Variants in KLF12 observed in about 807,000 individuals in gnomAD.
KLF12 encodes KLF transcription factor 12.
A neutral mutation model predicts 37.8 loss-of-function variants in KLF12; 9 were observed. The ratio of observed to expected loss-of-function variants is 0.24; its 90% CI spans 0.14 to 0.42. The LOEUF (loss-of-function observed/expected upper bound fraction) is 0.42. KLF12 is among the 10% of genes least tolerant of loss of function. The pLI, the probability that KLF12 is intolerant of heterozygous loss-of-function variation, is 1.00. For synonymous variants in KLF12, 208 were observed against 202.1 expected (o/e 1.03, Z -0.25); for missense variants, 411 against 516.0 (o/e 0.80, Z 1.97).
chr13:74,275,841 T>C, the KLF12 span, among the ~76,000 whole-genome samples: 2 of 122,760 alleles, frequency 1.6e-5, no homozygotes, highest in African/African-American at 6.7e-5. Context: ...TTTCTTTCTT[T>C]CTTTCTTTCT....
At chr13:73,721,917 G>A (rs1342931657) in intron 6 of KLF12, among the ~76,000 whole-genome samples, 1 of 152,072 alleles carries the variant, frequency 6.6e-6, no homozygotes, top group Non-Finnish European at 1.5e-5. Context: ...TAAAGGCTGA[G>A]TTTGGCAGTG....
At chr13:74,223,281 TTGTA>T in the KLF12 span, among the ~76,000 whole-genome samples, 1 of 152,234 alleles carries the variant, frequency 6.6e-6, no homozygotes, top group African/African-American at 2.4e-5. Context: ...GAGCGTGACT[TTGTA>T]TGTAGATGGT....
chr13:73,692,848 T>C lies in KLF12; in HGVS notation c.*2642A>G, dbSNP rs1399542175. The C allele has an allele frequency of 6.6e-6, 1 of 152,616 alleles. No homozygotes were observed. Among genetic ancestry groups the C allele is most frequent in the Non-Finnish European group, 1.5e-5 (1 of 68,034 alleles). 9.5% of individuals were successfully genotyped at this position (152,616 alleles called of 1,614,324 possible). On this transcript the variant is annotated 3_prime_UTR_variant, in exon 8 of 8. Transcript: ENST00000377669. ...AATGATGGAATGCTGACAGGTTTTA[T>C]CAGTTAACTTACCATCTCAGTCTGG...
chr13:73,718,252 A>G, intron 6 of KLF12, among the ~76,000 whole-genome samples: 1 of 152,260 alleles, frequency 6.6e-6, no homozygotes, highest in Admixed American at 6.5e-5. Flanking sequence ...CCCTGAAATC[A>G]GAATTCAGTC....
At chr13:74,033,584 T>C (rs1048613012) in intron 1 of KLF12, among the ~76,000 whole-genome samples, 5 of 152,264 alleles carry the variant, frequency 3.3e-5, no homozygotes, top group African/African-American at 1.2e-4. Flanking sequence ...GATTACTTAA[T>C]ATTTCATAGA....
chr13:74,136,553 G>A (rs1168315178), upstream of KLF12, among the ~76,000 whole-genome samples: 1 of 152,222 alleles, frequency 6.6e-6, no homozygotes, highest in Non-Finnish European at 1.5e-5. Flanking sequence ...TGTACTAACA[G>A]CTCTTTCTCG....
rs1344777038 is a variant in KLF12 at position 73,863,312 on chromosome 13, G to A, written c.124-16939C>T. Among the ~76,000 whole-genome samples, 37 of 152,202 alleles carry A rather than the reference G, an allele frequency of 2.4e-4. 1 individual carries two copies. The highest frequency in any genetic ancestry group is 1.0e-4 in the Non-Finnish European group (7 of 67,978). ...ATAAATTAGAGATTATATTATAGCAGTATTGTAGAGGTGTTACGGCATGGG... is the reference window on the plus strand; with the variant it reads ...ATAAATTAGAGATTATATTATAGCAATATTGTAGAGGTGTTACGGCATGGG... On this transcript the variant is annotated intron_variant, in intron 3 of 7. Coordinates refer to ENST00000377669, the MANE Select transcript of KLF12 (RefSeq NM_007249.5).
At chr13:74,116,781 A>G (rs1877328581) in intron 1 of KLF12, among the ~76,000 whole-genome samples, 1 of 152,104 alleles carries the variant, frequency 6.6e-6, no homozygotes, top group Non-Finnish European at 1.5e-5. Context: ...GGACCAATTA[A>G]CTATTAATAT....
intron 1 of KLF12, among the ~76,000 whole-genome samples, chr13:74,112,712 A>T (rs1877054666): frequency 1.3e-5 from 2 of 152,120 alleles, no homozygotes; most frequent in African/African-American, 4.8e-5. Context: ...TCTCTCCCGG[A>T]GACTTAACAA....
intron 2 of KLF12, among the ~76,000 whole-genome samples, chr13:73,949,094 T>C (rs530650431): frequency 8.5e-5 from 13 of 152,320 alleles, no homozygotes; most frequent in Middle Eastern, 3.4e-3. Context: ...GGAGGTTAAA[T>C]TGCCCAAGCC....
At chr13:74,089,607 T>C (rs904414482) in intron 1 of KLF12, among the ~76,000 whole-genome samples, 1 of 151,898 alleles carries the variant, frequency 6.6e-6, no homozygotes, top group South Asian at 2.1e-4. Context: ...CATGGCCAAC[T>C]GGGATTCATC....
intron 1 of KLF12, among the ~76,000 whole-genome samples, chr13:74,044,801 C>T (rs750420519): frequency 2.0e-5 from 3 of 151,126 alleles, no homozygotes; most frequent in Non-Finnish European, 4.4e-5. Context: ...GCCAAGATCA[C>T]GCCACTGCAC....
chr13:74,022,905 A>G (rs1188779977), intron 1 of KLF12, among the ~76,000 whole-genome samples: 1 of 151,462 alleles, frequency 6.6e-6, no homozygotes, highest in Non-Finnish European at 1.5e-5. Flanking sequence ...CGGGAGCTTC[A>G]AAACTCTCTT....
At chr13:73,985,733 C>T (rs1891810586) in intron 2 of KLF12, among the ~76,000 whole-genome samples, 1 of 152,108 alleles carries the variant, frequency 6.6e-6, no homozygotes, top group South Asian at 2.1e-4. Context: ...GCAAAAGGCC[C>T]CTCTCACAGA....
chr13:73,864,571 A>T (rs1886083843), intron 3 of KLF12, among the ~76,000 whole-genome samples: 3 of 152,284 alleles, frequency 2.0e-5, no homozygotes. Context: ...GAAAGCGTTT[A>T]TATCATTCAC....
intron 5 of KLF12, among the ~76,000 whole-genome samples, chr13:73,771,870 A>T (rs953047199): frequency 6.6e-6 from 1 of 152,244 alleles, no homozygotes; most frequent in African/African-American, 2.4e-5. Flanking sequence ...AATAGGTACA[A>T]TTTTCATAGG....
At chr13:73,893,803 G>A (rs1273588148) in intron 3 of KLF12, among the ~76,000 whole-genome samples, 1 of 152,152 alleles carries the variant, frequency 6.6e-6, no homozygotes, top group Non-Finnish European at 1.5e-5. Flanking sequence ...GTGCTGGGTA[G>A]GTAAGTAGAG....
upstream of KLF12, among the ~76,000 whole-genome samples, chr13:74,137,853 C>G (rs182536939): frequency 2.6e-4 from 39 of 152,290 alleles, no homozygotes; most frequent in East Asian, 5.0e-3. Context: ...CTCCGCCTCC[C>G]GCGTTCAAGC....
the KLF12 span, among the ~76,000 whole-genome samples, chr13:74,300,958 A>T: frequency 3.9e-5 from 6 of 152,144 alleles, no homozygotes; most frequent in Admixed American, 3.9e-4. Context: ...TTCCTGGGAC[A>T]TCCTTTGGCT....
Sources: gnomAD v4.1 joint callset for allele counts (sites outside exome capture counted in the v4.1 genomes callset) on GRCh38, gnomAD v4.1.1 for gene constraint, MANE v1.5 for transcripts, NCBI Gene and HGNC (gene_info 2026-07-23, HGNC 2026-07-21) for gene names.